TRIM51G: variants seen among roughly 807,000 people sequenced by gnomAD.
TRIM51G encodes the protein tripartite motif-containing 51G.
the TRIM51G span, among the ~76,000 whole-genome samples, chr11:48,978,513 C>A: frequency 1.3e-5 from 2 of 152,156 alleles, no homozygotes; most frequent in Non-Finnish European, 2.9e-5. Context: ...GATTCCCCAA[C>A]TTCTCCATCA....
chr11:48,981,247 G>T, the TRIM51G span: 1 of 1,599,678 alleles, frequency 6.3e-7, no homozygotes, highest in South Asian at 1.1e-5. Flanking sequence ...AATTCCATGT[G>T]TCCTGTATAG....
the TRIM51G span, among the ~76,000 whole-genome samples, chr11:48,976,448 G>A: frequency 1.3e-5 from 2 of 152,080 alleles, no homozygotes; most frequent in Non-Finnish European, 2.9e-5. Context: ...CAAATTATAA[G>A]TGGTAACTTA....
chr11:48,979,238 C>A, the TRIM51G span: 52 of 532,606 alleles, frequency 9.8e-5, no homozygotes, highest in African/African-American at 8.6e-4. Flanking sequence ...AAATTTTATT[C>A]CTTTCATTTC....
the TRIM51G span, among the ~76,000 whole-genome samples, chr11:48,983,049 C>A: frequency 1.1e-5 from 1 of 88,606 alleles, no homozygotes; most frequent in Admixed American, 1.3e-4. Flanking sequence ...AAACTGGAAT[C>A]TTTCCCTTGG....
the TRIM51G span, among the ~76,000 whole-genome samples, chr11:48,982,009 T>C: frequency 3.9e-5 from 6 of 152,156 alleles, no homozygotes; most frequent in African/African-American, 1.4e-4. Context: ...TTAAGTGGTC[T>C]AGCATAAAAC....
chr11:48,976,272 T>A, the TRIM51G span, among the ~76,000 whole-genome samples: 1 of 152,176 alleles, frequency 6.6e-6, no homozygotes, highest in African/African-American at 2.4e-5. Context: ...CCATCTCCAA[T>A]GTAAAAGTGA....
At chr11:48,981,512 T>C in the TRIM51G span, 14 of 1,605,280 alleles carry the variant, frequency 8.7e-6, no homozygotes, top group Admixed American at 1.7e-5. Context: ...TTGAGGTTTC[T>C]CTGCCGTGTT....
chr11:48,981,403 T>G, the TRIM51G span: 3 of 1,607,750 alleles, frequency 1.9e-6, no homozygotes, highest in African/African-American at 4.0e-5. Flanking sequence ...CTCCTTTGTC[T>G]CTCTGTGCGT....
At chr11:48,979,997 A>C in the TRIM51G span, among the ~76,000 whole-genome samples, 2 of 151,846 alleles carry the variant, frequency 1.3e-5, no homozygotes, top group South Asian at 4.2e-4. Context: ...CAGTCCCTGG[A>C]CTCTGTGCTC....
At chr11:48,979,037 A>G in the TRIM51G span, 2 of 1,014,510 alleles carry the variant, frequency 2.0e-6, no homozygotes, top group Non-Finnish European at 3.2e-6. Flanking sequence ...GCTCTTCTTC[A>G]TGGAAAAATG....
the TRIM51G span, among the ~76,000 whole-genome samples, chr11:48,982,930 A>T: frequency 2.8e-5 from 3 of 107,248 alleles, no homozygotes; most frequent in South Asian, 3.8e-4. Context: ...ATTGTACCAG[A>T]GTTGTAAGTA....
At chr11:48,982,773 G>C in the TRIM51G span, among the ~76,000 whole-genome samples, 3 of 144,640 alleles carry the variant, frequency 2.1e-5, no homozygotes, top group African/African-American at 5.2e-5. Flanking sequence ...TATATGATCC[G>C]AGGGACGCAT....
the TRIM51G span, chr11:48,979,034 T>C: frequency 1.9e-6 from 2 of 1,072,746 alleles, no homozygotes; most frequent in African/African-American, 1.5e-5. Flanking sequence ...GTTGCTCTTC[T>C]TCATGGAAAA....
At chr11:48,978,751 ATAGAATCGTGTTT>A in the TRIM51G span, 1 of 564,152 alleles carries the variant, frequency 1.8e-6, no homozygotes, top group African/African-American at 2.1e-5. Context: ...AGCATTAGTT[ATAGAATCGTGTTT>A]TTGGAAACAA....
chr11:48,976,235 C>T, the TRIM51G span, among the ~76,000 whole-genome samples: 6 of 151,918 alleles, frequency 3.9e-5, no homozygotes, highest in African/African-American at 1.2e-4. Context: ...AACTGAGAGT[C>T]GAATAAAAGA....
chr11:48,975,944 C>G, the TRIM51G span: 1 of 729,946 alleles, frequency 1.4e-6, no homozygotes, highest in Non-Finnish European at 2.5e-6. Flanking sequence ...CTTCTCAAAT[C>G]TCCATGCAGG....
chr11:48,975,734 C>T, the TRIM51G span: 15 of 1,564,320 alleles, frequency 9.6e-6, no homozygotes, highest in East Asian at 6.7e-5. Context: ...AAGAGTCCCA[C>T]CTCTCCATCT....
At chr11:48,979,094 C>A in the TRIM51G span, 1 of 809,332 alleles carries the variant, frequency 1.2e-6, no homozygotes, top group South Asian at 1.3e-5. Flanking sequence ...TCCTTAAACT[C>A]ACATAATCCT....
At chr11:48,981,461 T>C in the TRIM51G span, 5 of 1,607,658 alleles carry the variant, frequency 3.1e-6, no homozygotes, top group Non-Finnish European at 3.4e-6. Flanking sequence ...AGGCTGGCTT[T>C]TCTGGCAATG....
Sources: gnomAD v4.1 joint callset for allele counts (sites outside exome capture counted in the v4.1 genomes callset) on GRCh38, gnomAD v4.1.1 for gene constraint, MANE v1.5 for transcripts, NCBI Gene and HGNC (gene_info 2026-07-23, HGNC 2026-07-21) for gene names.